The following MEIOB variants were observed in gnomAD, a reference collection of about 807,000 sequenced individuals.
The protein encoded by MEIOB is meiosis specific with OB-fold.
MEIOB carries 50 observed loss-of-function variants against 53.1 expected under a neutral mutation model. The observed-to-expected ratio is 0.94, with a 90% confidence interval of 0.75 to 1.19. The LOEUF (loss-of-function observed/expected upper bound fraction) is 1.19, where lower values mean the gene tolerates loss of function less well. MEIOB is among the 50% of genes most tolerant of loss of function. The probability of loss-of-function intolerance (pLI) is 0.00; values close to 1 mark genes in which losing one functional copy is unlikely to be tolerated. For missense variants in MEIOB, 551 were observed against 550.8 expected (o/e 1.00, Z 0.00); for synonymous variants, 192 against 182.5 (o/e 1.05, Z -0.42).
Position 1,860,470 on chromosome 16 carries a change from T to A in MEIOB, c.265A>T (p.Ile89Phe). 6.5e-7 allele frequency: 1 copy of A among 1,539,002 alleles called. No homozygotes were observed. ...DSFRVGDCVIIENPLIQRKEI... is the reference protein window; with the variant it reads ...DSFRVGDCVIFENPLIQRKEI... The stretch of plus-strand genomic sequence containing the variant: ...TTTCTTTGGATCAGAGGATTTTCAA[T>A]TATCACTAAAACAGAGGGCAAAGTA... The change falls in exon 5 of 14, where the codon ATT becomes TTT. Residue 89 changes from isoleucine to phenylalanine, a missense_variant. Ile to Phe is a conservative substitution (Grantham distance 21, BLOSUM62 0). Coordinates refer to ENST00000325962, the MANE Select transcript of MEIOB (RefSeq NM_001163560.3).
chr16:1,860,638 A>G (rs186182077), intron 4 of MEIOB, among the ~76,000 whole-genome samples, 163 bp from the exon 5 acceptor site: 3 of 152,316 alleles, frequency 2.0e-5, no homozygotes, highest in Admixed American at 2.0e-4. Flanking sequence ...ACATATTTTG[A>G]TACTGAGATG....
intron 9 of MEIOB, 26 bp from the exon 10 acceptor site, chr16:1,844,989 A>G (rs1898996262): frequency 9.6e-7 from 1 of 1,039,276 alleles, no homozygotes; most frequent in East Asian, 2.5e-5. Context: ...CATAATAAGT[A>G]AAAAGCAAAC....
intron 12 of MEIOB, chr16:1,838,078 CCTCGAA>C: frequency 3.4e-6 from 3 of 893,478 alleles, no homozygotes; most frequent in Non-Finnish European, 5.1e-6. Context: ...CTCACTGCAG[CCTCGAA>C]CTCCCGGGGT....
intron 6 of MEIOB, among the ~76,000 whole-genome samples, chr16:1,855,394 T>C (rs1450136983): frequency 2.0e-5 from 3 of 151,948 alleles, no homozygotes; most frequent in Non-Finnish European, 4.4e-5. Context: ...ATCACGCCAC[T>C]GCACTCTGCA....
At chr16:1,859,648 T>C (rs562142530) in intron 5 of MEIOB, among the ~76,000 whole-genome samples, 1 of 152,210 alleles carries the variant, frequency 6.6e-6, no homozygotes, top group East Asian at 1.9e-4. Context: ...TACAGAGAAA[T>C]GAGGCTTGAG....
intron 7 of MEIOB, 109 bp downstream of exon 7, chr16:1,853,991 C>G: frequency 1.5e-6 from 1 of 685,846 alleles, no homozygotes; most frequent in Non-Finnish European, 2.6e-6. Flanking sequence ...CATTCATCTC[C>G]TATCATTATC....
At chr16:1,868,938 T>C (rs1320288507) in intron 1 of MEIOB, among the ~76,000 whole-genome samples, 2 of 152,136 alleles carry the variant, frequency 1.3e-5, no homozygotes, top group African/African-American at 4.8e-5. Flanking sequence ...TTTATTATAA[T>C]GGTAAAATGT....
intron 9 of MEIOB, among the ~76,000 whole-genome samples, chr16:1,846,945 A>G (rs567585009): frequency 1.4e-5 from 2 of 146,002 alleles, no homozygotes; most frequent in East Asian, 4.0e-4. Context: ...TCACGAGGTC[A>G]GGAGATCAAG....
intron 13 of MEIOB, among the ~76,000 whole-genome samples, chr16:1,835,902 C>A (rs1898733925): frequency 6.6e-6 from 1 of 151,560 alleles, no homozygotes; most frequent in Admixed American, 6.6e-5. Flanking sequence ...CTCTGTCACC[C>A]AGGCTGGAGT....
At position 1,863,816 on chromosome 16, in the gene MEIOB, C is replaced by G. The variant is rs143042683; in HGVS notation, c.128-1700G>C. 4.5e-3 allele frequency among the ~76,000 whole-genome samples: 685 copies of G among 152,144 alleles called. 5 individuals are homozygous for G. The highest frequency in any genetic ancestry group is 0.015 in the African/African-American group (621 of 41,520). On this transcript the variant is annotated intron_variant, in intron 3 of 13. Transcript: ENST00000325962. The stretch of plus-strand genomic sequence containing the variant: ...CTTAATGAGGACCACTAGGGGTCAG[C>G]AAATACTTTTTTTCCAAAATAGAAA...
intron 13 of MEIOB, 121 bp from the exon 14 acceptor site, chr16:1,834,487 A>C: frequency 1.7e-6 from 1 of 579,408 alleles, no homozygotes; most frequent in Non-Finnish European, 3.1e-6. Flanking sequence ...TACAGATACT[A>C]ATATAAACTT....
intron 9 of MEIOB, among the ~76,000 whole-genome samples, chr16:1,852,536 C>A (rs1462729608): frequency 6.6e-6 from 1 of 151,568 alleles, no homozygotes; most frequent in African/African-American, 2.4e-5. Flanking sequence ...GCTGGAATTA[C>A]AGGTGTGAGC....
intron 3 of MEIOB, among the ~76,000 whole-genome samples, chr16:1,865,067 T>C (rs1036860146): frequency 6.6e-6 from 1 of 152,118 alleles, no homozygotes; most frequent in Non-Finnish European, 1.5e-5. Flanking sequence ...GATGATCACT[T>C]GAGCCCAGGA....
intron 13 of MEIOB, among the ~76,000 whole-genome samples, chr16:1,836,595 C>T (rs1898755697): frequency 6.7e-6 from 1 of 148,976 alleles, no homozygotes; most frequent in African/African-American, 2.4e-5. Context: ...AAGCCGAGGT[C>T]CTAGAAATAT....
At chr16:1,838,077 G>A in intron 12 of MEIOB, 1 of 913,490 alleles carries the variant, frequency 1.1e-6, no homozygotes, top group Non-Finnish European at 1.6e-6. Context: ...GCTCACTGCA[G>A]CCTCGAACTC....
intron 3 of MEIOB, 42 bp downstream of exon 3, chr16:1,865,736 A>G (rs956224702): frequency 3.5e-6 from 5 of 1,440,202 alleles, no homozygotes; most frequent in Non-Finnish European, 4.7e-6. Flanking sequence ...TCATAAGCCA[A>G]AGTTGATGAA....
Position 1,839,376 on chromosome 16 carries a change from G to C in MEIOB, c.1097C>G (p.Ser366Cys), listed in dbSNP as rs1368002794. 1 of 1,614,072 alleles carries C rather than the reference G, an allele frequency of 6.2e-7. No individual in the cohort carries two copies. Among genetic ancestry groups the C allele is most frequent in the East Asian group, 2.2e-5 (1 of 44,876 alleles). Residue 366 changes from serine to cysteine, a missense_variant, in exon 12 of 14, where the codon TCC (serine) becomes TGC (cysteine). Physicochemically the swap from Ser to Cys is moderately radical, Grantham distance 112. Coordinates refer to ENST00000325962, the MANE Select transcript of MEIOB (RefSeq NM_001163560.3). The stretch of plus-strand genomic sequence containing the variant: ...GAGAAAGACAGATTTAAAGTCCAAG[G>C]AGTTTTTGTTGCAAGTTGTGCACAT... ...SNMCTTCNKN[S>C]LDFKSVFLSF...
chr16:1,864,173 T>C (rs750126898), intron 3 of MEIOB, among the ~76,000 whole-genome samples: 2 of 152,232 alleles, frequency 1.3e-5, no homozygotes, highest in Middle Eastern at 3.4e-3. Context: ...AAAAGTAATA[T>C]AACTCAACAT....
rs9806825 is a variant in MEIOB, at chr16:1,844,851, C to G, written c.880+11G>C. On this transcript the variant is annotated intron_variant, in intron 10 of 13. Coordinates refer to ENST00000325962, the MANE Select transcript of MEIOB (RefSeq NM_001163560.3). ...TTAAAAAAATCCAAATATATTTAAA[C>G]GGTCACTTACAATTTATGGATTCTT... 222,228 of 1,409,592 alleles carry G rather than the reference C, an allele frequency of 0.16. 19,055 individuals carry two copies. Among genetic ancestry groups the G allele is most frequent in the South Asian group, 0.27 (21,507 of 80,246 alleles). The allele number at this position is 1,409,592 out of a possible 1,614,324, so 87.3% of individuals were successfully genotyped here. A position where few individuals can be genotyped will look rare whatever the true frequency, so the allele number is the denominator to read the frequency against.
Sources: allele counts gnomAD v4.1 joint callset (sites outside exome capture counted in the v4.1 genomes callset), GRCh38; gene constraint gnomAD v4.1.1; transcripts MANE v1.5; gene names NCBI Gene and HGNC (gene_info 2026-07-23, HGNC 2026-07-21).